Variants in ALS2 observed in about 807,000 individuals in gnomAD.
ALS2 encodes the protein alsin.
ALS2 carries 117 observed loss-of-function variants against 203.4 expected under a neutral mutation model. The observed-to-expected ratio is 0.58, with a 90% CI of 0.50 to 0.67. The LOEUF is 0.67. Among genes scored for constraint, ALS2 ranks in the 30% least tolerant of loss-of-function variants. ALS2 has a pLI of 0.00. For synonymous variants in ALS2, 718 were observed against 725.9 expected, an observed-to-expected ratio of 0.99 and a Z score of 0.17; for missense variants, 1,715 against 1,989.4, an observed-to-expected ratio of 0.86 and a Z score of 2.62.
In ALS2 at chr2:201,700,951, A is replaced by C. The variant is rs572307026; in HGVS notation, c.*900T>G. 5.9e-4 allele frequency: 90 copies of C among 152,416 alleles called. 1 individual carries two copies. Among genetic ancestry groups the C allele is most frequent in the African/African-American group, 2.0e-3 (85 of 41,568 alleles). The allele number at this position is 152,416 out of a possible 1,614,324, so 9.4% of individuals were successfully genotyped here. ...TCAGTGTGAAGTATAGGGAAGAACA[A>C]CACCAGGCTGGGGATCGATGCAGTT... is the stretch of plus-strand genomic sequence containing the variant. On this transcript the variant is annotated 3_prime_UTR_variant, in exon 34 of 34. Coordinates refer to ENST00000264276, the MANE Select transcript of ALS2 (RefSeq NM_020919.4).
At position 201,723,125 on chromosome 2, in the gene ALS2, A is replaced by G. The variant is rs182151978; in HGVS notation, c.3625-5T>C. The G allele has an allele frequency of 3.6e-5, 58 of 1,607,676 alleles. No homozygotes were observed. In the African/African-American group the frequency reaches 5.1e-4, roughly 14 times the overall value. ...GGAAAGCAAAACCCCATTTCCCTAC[A>G]AGAAGAAACAAGAGAAAAATTACAA... On this transcript the variant is annotated splice_region_variant and splice_polypyrimidine_tract_variant and intron_variant, in intron 22 of 33. Transcript: ENST00000264276.
At position 201,724,376 on chromosome 2, in the gene ALS2, G is replaced by T. The variant is rs574456456; in HGVS notation, c.3431C>A (p.Thr1144Lys). 6 of 1,613,430 alleles carry T rather than the reference G, an allele frequency of 3.7e-6. No homozygotes were observed. In the Admixed American group the frequency reaches 1.0e-4, roughly 27 times the overall value. ...GHGLLRSGKL[T>K]SSSPSMFIGQ... is the part of the protein sequence containing the mutation. ...AATGAACATACTAGGAGAAGAGGAC[G>T]TCAATTTCCCACTTCGTAGAAGACC... Residue 1144 changes from threonine (T) to lysine (K), a missense_variant, in exon 21 of 34, where the codon ACG becomes AAG. This residue lies in a region of ALS2 where 1,227 missense variants were observed against 1,413.5 expected (regional missense o/e 0.87). Transcript: ENST00000264276.
At position 201,706,982 on chromosome 2, in the gene ALS2, G is replaced by T; in HGVS notation, c.4444C>A (p.Leu1482Ile). ...AACAGCGGTGGGTAGAGCCGAGGTAGCAGCACAGGAAGCAATAATCCAGAA... is the reference window on the plus strand; with the variant it reads ...AACAGCGGTGGGTAGAGCCGAGGTATCAGCACAGGAAGCAATAATCCAGAA... ...TSSGLLLPVL[L>I]PRLYPPLFML... The change falls in exon 29 of 34, where the codon CTA becomes ATA. Residue 1482 changes from leucine (L) to isoleucine (I), a missense_variant. Leu to Ile is a conservative substitution (Grantham distance 5). Coordinates refer to ENST00000264276, the MANE Select transcript of ALS2 (RefSeq NM_020919.4). The T allele has an allele frequency of 3.1e-6, 5 of 1,613,882 alleles. No individual in the cohort carries two copies. The highest frequency in any genetic ancestry group is 4.2e-6 in the Non-Finnish European group (5 of 1,179,910).
chr2:201,754,516 C>T lies in ALS2; in HGVS notation c.1627G>A (p.Asp543Asn), dbSNP rs201161419. The T allele has an allele frequency of 3.2e-4, 524 of 1,613,938 alleles. No homozygotes were observed. The highest frequency in any genetic ancestry group is 3.8e-4 in the Admixed American group (23 of 59,982). Reference protein sequence around the residue: ...KGKEGQLGHGDVLPRLQPLCV... With the variant: ...KGKEGQLGHGNVLPRLQPLCV... ...GGTAGCGCTTACCTAGGCAGAACAT[C>T]GCCGTGCCCCAGCTGCCCTTCCTTC... Residue 543 changes from aspartate (D) to asparagine (N), a missense_variant, in exon 6 of 34, where the codon GAT becomes AAT. Around this residue, in one of 3 missense-constraint regions of ALS2, gnomAD observed 1,227 missense variants for 1,413.5 expected, o/e 0.87. Coordinates refer to ENST00000264276, the MANE Select transcript of ALS2 (RefSeq NM_020919.4).
rs1047133180 is a variant in ALS2 at position 201,708,659 on chromosome 2, A to C, written c.4281-668T>G. Among the ~76,000 whole-genome samples, 13 of 152,216 alleles carry C rather than the reference A, an allele frequency of 8.5e-5. 1 individual carries two copies. The highest frequency in any genetic ancestry group is 3.1e-4 in the African/African-American group (13 of 41,464). ...TTGCTGAAAATTAATTTTTCAAATG[A>C]TCAAGGGGATAAATTGGTGAGGAAT... On this transcript the variant is annotated intron_variant, in intron 27 of 33. Transcript: ENST00000264276.
chr2:201,774,266 G>A (rs79629431), intron 1 of ALS2, among the ~76,000 whole-genome samples: 1,655 of 152,268 alleles, frequency 0.011, 24 homozygotes, highest in African/African-American at 0.036. Context: ...CAAAGTGAAG[G>A]AGGATGCCAT....
At chr2:201,750,982 A>T (rs1390229863) in intron 7 of ALS2, among the ~76,000 whole-genome samples, 2 of 151,458 alleles carry the variant, frequency 1.3e-5, no homozygotes, top group Non-Finnish European at 2.9e-5. Flanking sequence ...CCTTCCAAGT[A>T]GCTAGGATTA....
Position 201,721,815 on chromosome 2 carries a change from C to T in ALS2, c.3702+1228G>A, listed in dbSNP as rs955726619. Among the ~76,000 whole-genome samples, 4 of 152,128 alleles carry T rather than the reference C, an allele frequency of 2.6e-5. No individual in the cohort carries two copies. The East Asian group carries it at 7.7e-4, about 29-fold the overall frequency. Reference sequence around the variant, plus strand: ...AGTAGCTGGGACTACAGGTGCCCGCCACCACGCCTGGCTAATTTTTTGTAT... The same window carrying T: ...AGTAGCTGGGACTACAGGTGCCCGCTACCACGCCTGGCTAATTTTTTGTAT... On this transcript the variant is annotated intron_variant, in intron 23 of 33. Transcript: ENST00000264276.
chr2:201,744,438 GAAGAA>G lies in ALS2; in HGVS notation c.1999-14_1999-10del. ...CTGCTTATATATCCAAGCTGAAACAGAAGAAAACAAAAGGATTAAATATAACATAT... is the reference window on the plus strand; with the variant it reads ...CTGCTTATATATCCAAGCTGAAACAGAACAAAAGGATTAAATATAACATAT... On this transcript the variant is annotated splice_polypyrimidine_tract_variant and intron_variant, in intron 9 of 33. Transcript: ENST00000264276. The G allele has an allele frequency of 2.5e-6, 4 of 1,613,316 alleles. No individual in the cohort carries two copies. Among genetic ancestry groups the G allele is most frequent in the Non-Finnish European group, 3.4e-6 (4 of 1,179,552 alleles).
intron 5 of ALS2, among the ~76,000 whole-genome samples, chr2:201,755,368 T>C (rs1158771850): frequency 6.6e-6 from 1 of 152,178 alleles, no homozygotes; most frequent in Non-Finnish European, 1.5e-5. Flanking sequence ...GTTCAAGTGA[T>C]TCTCCTGCCT....
At chr2:201,750,782 A>ATAACTATCTAGAACTCTACTG (rs1692984145) in intron 7 of ALS2, among the ~76,000 whole-genome samples, 3 of 152,190 alleles carry the variant, frequency 2.0e-5, no homozygotes, top group Admixed American at 6.5e-5. Flanking sequence ...ATCATTGTTA[A>ATAACTATCTAGAACTCTACTG]TAACTATCTA....
At position 201,749,717 on chromosome 2, in the gene ALS2, C is replaced by T. The variant is rs370490647; in HGVS notation, c.1810G>A (p.Ala604Thr). Residue 604 changes from alanine to threonine, a missense_variant, in exon 8 of 34, where the codon GCA becomes ACA. Coordinates refer to ENST00000264276, the MANE Select transcript of ALS2 (RefSeq NM_020919.4). Reference protein sequence around the residue: ...SDFPTTVPRLAKISSENGVWS... With the variant: ...SDFPTTVPRLTKISSENGVWS... ...TATCAAGTTCACAAAAGTACCTTTG[C>T]AAGACGAGGAACTGTTGTTGGAAAA... 6.8e-6 allele frequency: 11 copies of T among 1,613,730 alleles called. No individual in the cohort carries two copies. In the African/African-American group the frequency reaches 1.2e-4, roughly 18 times the overall value.
chr2:201,760,935 T>C lies in ALS2; in HGVS notation c.1059A>G (p.Ser353=). 6.2e-7 allele frequency: 1 copy of C among 1,614,240 alleles called. No homozygotes were observed. The highest frequency in any genetic ancestry group is 8.5e-7 in the Non-Finnish European group (1 of 1,180,044). ...QAVNEYLRKL[S]DHSVREDSEH... The stretch of plus-strand genomic sequence containing the variant: ...CTGAGTCCTCTCTTACTGAATGATC[T>C]GACAGTTTCCGTAGGTATTCATTGA... Residue 353 remains serine, a synonymous_variant, in exon 4 of 34, where the codon TCA becomes TCG. Transcript: ENST00000264276.
At chr2:201,716,961 C>G (rs1412575583) in intron 24 of ALS2, among the ~76,000 whole-genome samples, 1 of 151,962 alleles carries the variant, frequency 6.6e-6, no homozygotes, top group Non-Finnish European at 1.5e-5. Flanking sequence ...CAGACATATG[C>G]CAAAAACTGT....
At chr2:201,702,549 T>C (rs1001373527) in intron 33 of ALS2, among the ~76,000 whole-genome samples, 4 of 152,196 alleles carry the variant, frequency 2.6e-5, no homozygotes, top group Non-Finnish European at 5.9e-5. Flanking sequence ...TTATCAGCAA[T>C]GTGGGAATAA....
At position 201,746,756 on chromosome 2, in the gene ALS2, G is replaced by C; in HGVS notation, c.1816-8C>G. ...TCCATTTTCACTGCTTATCTGCAAC[G>C]ACAGAAAGATAGTGTCTGTCCAAGA... On this transcript the variant is annotated splice_region_variant and splice_polypyrimidine_tract_variant and intron_variant, in intron 8 of 33. Coordinates refer to ENST00000264276, the MANE Select transcript of ALS2 (RefSeq NM_020919.4). The C allele has an allele frequency of 1.9e-6, 3 of 1,613,984 alleles. No individual in the cohort carries two copies. Among genetic ancestry groups the C allele is most frequent in the Non-Finnish European group, 2.5e-6 (3 of 1,179,956 alleles).
intron 23 of ALS2, among the ~76,000 whole-genome samples, chr2:201,720,921 T>C (rs986197400): frequency 2.0e-5 from 3 of 152,192 alleles, no homozygotes; most frequent in South Asian, 2.1e-4. Context: ...GGTGATATGA[T>C]TCTGTATGTA....
chr2:201,723,379 G>A lies in ALS2; in HGVS notation c.3575C>T (p.Thr1192Ile). 6.2e-7 allele frequency: 1 copy of A among 1,613,970 alleles called. No individual in the cohort carries two copies. The highest frequency in any genetic ancestry group is 8.5e-7 in the Non-Finnish European group (1 of 1,179,950). The change falls in exon 22 of 34, where the codon ACC (threonine) becomes ATC (isoleucine). Residue 1192 changes from threonine to isoleucine, a missense_variant. By Grantham distance (89) the Thr-to-Ile change is moderately conservative (BLOSUM62 -1). This residue lies in a region of ALS2 where 1,227 missense variants were observed against 1,413.5 expected (regional missense o/e 0.87). Coordinates refer to ENST00000264276, the MANE Select transcript of ALS2 (RefSeq NM_020919.4). ...DVCQGNGVVV[T>I]QFGLYYEGNF... ...GCCCTCGTAGTATAATCCAAACTGG[G>A]TAACCACCACACCATTCCCTTGACA... is the stretch of plus-strand genomic sequence containing the variant.
At chr2:201,704,757 C>A (rs1009184245) in intron 31 of ALS2, among the ~76,000 whole-genome samples, 154 bp from the exon 32 acceptor site, 3 of 152,142 alleles carry the variant, frequency 2.0e-5, no homozygotes, top group African/African-American at 4.8e-5. Flanking sequence ...CTTTGTACTC[C>A]CATGGTGCTA....
Sources: allele counts gnomAD v4.1 joint callset (sites outside exome capture counted in the v4.1 genomes callset), GRCh38; gene constraint gnomAD v4.1.1; regional missense constraint gnomAD v4.1.1; transcripts MANE v1.5; gene names NCBI Gene and HGNC (gene_info 2026-07-23, HGNC 2026-07-21).